The following SPEF2 variants were observed in gnomAD, a reference collection of about 807,000 sequenced individuals.
SPEF2 encodes sperm flagellar and cilia associated 2.
In SPEF2, 187 loss-of-function variants were observed where a neutral mutation model predicts 224.6. The ratio of observed to expected loss-of-function variants is 0.83; its 90% confidence interval spans 0.74 to 0.94. The LOEUF is 0.94. Ranked by LOEUF, SPEF2 falls within the 40% of genes least tolerant of loss-of-function variation. The pLI is 0.00. For synonymous variants in SPEF2, 715 were observed against 707.3 expected (o/e 1.01, Z -0.17); for missense variants, 2,170 against 2,135.6 (o/e 1.02, Z -0.32).
At chr5:35,674,554 T>C (rs1316254593) in intron 10 of SPEF2, among the ~76,000 whole-genome samples, 1 of 120,600 alleles carries the variant, frequency 8.3e-6, no homozygotes, top group Non-Finnish European at 1.6e-5. Context: ...CAGGCCCTCG[T>C]GTGTGATGTT....
chr5:35,783,700 G>T (rs566089464), intron 30 of SPEF2, among the ~76,000 whole-genome samples: 3 of 152,210 alleles, frequency 2.0e-5, no homozygotes, highest in African/African-American at 7.2e-5. Context: ...AAGTAATGTG[G>T]TTTCCTAGGG....
rs375605472 is a variant in SPEF2, at chr5:35,703,537, C to A, written c.2399-1017C>A. Among the ~76,000 whole-genome samples, 6 of 151,872 alleles carry A rather than the reference C, an allele frequency of 4.0e-5. No homozygotes were observed. The South Asian group carries it at 1.3e-3, about 32-fold the overall frequency. On this transcript the variant is annotated intron_variant, in intron 16 of 36. Coordinates refer to ENST00000356031, the MANE Select transcript of SPEF2 (RefSeq NM_024867.4). ...AGCCATTCAGGGTGATCACAAAATTCATTGGCCATGGTACAGAGTACCACG... is the reference window on the plus strand; with the variant it reads ...AGCCATTCAGGGTGATCACAAAATTAATTGGCCATGGTACAGAGTACCACG...
rs569823705 is a variant in SPEF2, at chr5:35,668,269, C to A, written c.1355+1010C>A. 3.9e-5 allele frequency among the ~76,000 whole-genome samples: 6 copies of A among 152,180 alleles called. No homozygotes were observed. The East Asian group carries it at 1.2e-3, about 29-fold the overall frequency. On this transcript the variant is annotated intron_variant, in intron 9 of 36. Transcript: ENST00000356031. Reference sequence around the variant, plus strand: ...AACTGATAACAATCCAGATATCTCTCAACAGGTAATAGAGTGTGATACATC... The same window carrying A: ...AACTGATAACAATCCAGATATCTCTAAACAGGTAATAGAGTGTGATACATC...
At chr5:35,687,284 C>A (rs1753759531) in intron 10 of SPEF2, among the ~76,000 whole-genome samples, 1 of 152,074 alleles carries the variant, frequency 6.6e-6, no homozygotes, top group Non-Finnish European at 1.5e-5. Flanking sequence ...ATAATTAGAT[C>A]TGTTTCTGGA....
At chr5:35,663,054 C>T (rs1464800511) in intron 8 of SPEF2, among the ~76,000 whole-genome samples, 1 of 152,016 alleles carries the variant, frequency 6.6e-6, no homozygotes, top group Non-Finnish European at 1.5e-5. Flanking sequence ...TGGCTACTTT[C>T]TATTAAGTAT....
intron 31 of SPEF2, 83 bp from the exon 32 acceptor site, chr5:35,793,076 C>T: frequency 7.8e-7 from 1 of 1,279,966 alleles, no homozygotes; most frequent in South Asian, 1.5e-5. Flanking sequence ...TCATGGGAAA[C>T]TCTCACTATG....
At chr5:35,654,825 T>C in intron 7 of SPEF2, 99 bp downstream of exon 7, 6 of 1,015,648 alleles carry the variant, frequency 5.9e-6, no homozygotes, top group Non-Finnish European at 8.2e-6. Context: ...TATTGTCTGC[T>C]ACTCTGCATC....
At chr5:35,676,426 G>C (rs1461188870) in intron 10 of SPEF2, among the ~76,000 whole-genome samples, 1 of 152,146 alleles carries the variant, frequency 6.6e-6, no homozygotes. Context: ...TGGCTATAAA[G>C]TTTTAAATTT....
At chr5:35,660,162 T>TA (rs199525434) in intron 8 of SPEF2, among the ~76,000 whole-genome samples, 158 of 151,494 alleles carry the variant, frequency 1.0e-3, no homozygotes, top group African/African-American at 2.9e-3. Flanking sequence ...TGAGTTCTAG[T>TA]AAAAAAAAAT....
chr5:35,804,876 G>T (rs1757871698), intron 34 of SPEF2, among the ~76,000 whole-genome samples: 1 of 152,038 alleles, frequency 6.6e-6, no homozygotes, highest in Non-Finnish European at 1.5e-5. Flanking sequence ...TTGCCTACAG[G>T]TTCTATGTTT....
At chr5:35,797,317 GGTGTGT>G (rs3219619) in intron 33 of SPEF2, among the ~76,000 whole-genome samples, 45,756 of 141,988 alleles carry the variant, frequency 0.32, 7,901 homozygotes, top group East Asian at 0.62. Context: ...ATGGCTGACG[GGTGTGT>G]GTGTGTGTGT....
At chr5:35,709,592 C>A in intron 19 of SPEF2, 1 of 985,850 alleles carries the variant, frequency 1.0e-6, no homozygotes, top group South Asian at 4.7e-5. Flanking sequence ...ATCTTCAGGA[C>A]TATGTGATTA....
At chr5:35,784,010 A>C (rs1754720648) in intron 30 of SPEF2, among the ~76,000 whole-genome samples, 1 of 152,178 alleles carries the variant, frequency 6.6e-6, no homozygotes, top group Non-Finnish European at 1.5e-5. Flanking sequence ...ATAGTTTAGC[A>C]AATTCTACAC....
At chr5:35,722,888 T>C (rs1007780037) in intron 20 of SPEF2, among the ~76,000 whole-genome samples, 2 of 152,034 alleles carry the variant, frequency 1.3e-5, no homozygotes, top group Non-Finnish European at 2.9e-5. Context: ...TCAAGTCCCA[T>C]GTTGGGTGCC....
rs1279604043 is a variant in SPEF2, at chr5:35,764,798, T to C, written c.3801+1096T>C. The C allele has an allele frequency of 9.0e-6, 4 of 444,984 alleles. 1 individual carries two copies. Among genetic ancestry groups the C allele is most frequent in the Admixed American group, 7.5e-5 (3 of 40,212 alleles). 27.6% of individuals were successfully genotyped at this position (444,984 alleles called of 1,614,324 possible). ...TCTCATACAAGCAGCCTGTGTTTCC[T>C]TTCTTCCTCCCTCTCTTTCTTTTGT... On this transcript the variant is annotated intron_variant, in intron 26 of 36. Transcript: ENST00000356031.
At chr5:35,789,438 C>T (rs531906466) in intron 30 of SPEF2, 1 of 683,052 alleles carries the variant, frequency 1.5e-6, no homozygotes, top group Non-Finnish European at 2.7e-6. Context: ...AAATTATCTG[C>T]CAGATGTTTC....
chr5:35,727,951 T>A, intron 21 of SPEF2, 128 bp downstream of exon 21: 10 of 997,898 alleles, frequency 1.0e-5, no homozygotes, highest in Non-Finnish European at 1.1e-5. Context: ...CATCTGAGAT[T>A]TTTTTTAGAG....
chr5:35,691,695 G>C (rs895641641), intron 11 of SPEF2, among the ~76,000 whole-genome samples: 3 of 152,220 alleles, frequency 2.0e-5, no homozygotes, highest in African/African-American at 7.2e-5. Context: ...TGCACACATT[G>C]TGAATGTCTA....
intron 5 of SPEF2, among the ~76,000 whole-genome samples, chr5:35,647,037 A>G (rs1747472343): frequency 6.6e-6 from 1 of 151,952 alleles, no homozygotes; most frequent in African/African-American, 2.4e-5. Context: ...GCAAACTCCT[A>G]TTAAATGGCA....
Sources: allele counts gnomAD v4.1 joint callset (sites outside exome capture counted in the v4.1 genomes callset), GRCh38; gene constraint gnomAD v4.1.1; transcripts MANE v1.5; gene names NCBI Gene and HGNC (gene_info 2026-07-23, HGNC 2026-07-21).